The following LUC7L3 variants were observed in gnomAD, a reference collection of about 807,000 sequenced individuals.
The protein encoded by LUC7L3 is luc7-like protein 3.
Under a neutral mutation model 66.8 loss-of-function variants are expected in LUC7L3, and 6 were observed. The observed-to-expected ratio is 0.09, with a 90% confidence interval of 0.05 to 0.18. The LOEUF is 0.18. Ranked by LOEUF, LUC7L3 falls within the 10% of genes least tolerant of loss-of-function variation. LUC7L3 has a pLI of 1.00. For missense variants in LUC7L3, 341 were observed against 531.1 expected, an observed-to-expected ratio of 0.64 and a Z score of 3.52; for synonymous variants, 160 against 174.7, an observed-to-expected ratio of 0.92 and a Z score of 0.66.
At chr17:50,750,360 T>G in intron 9 of LUC7L3, 141 bp from the exon 10 acceptor site, 1 of 761,070 alleles carries the variant, frequency 1.3e-6, no homozygotes, top group South Asian at 1.9e-5. Flanking sequence ...TTTTATCCCT[T>G]TGGTAAATTC....
chr17:50,733,869 G>T (rs560350671), intron 1 of LUC7L3, among the ~76,000 whole-genome samples: 1 of 152,168 alleles, frequency 6.6e-6, no homozygotes, highest in South Asian at 2.1e-4. Context: ...TAATTGAAAG[G>T]TTAGGTCACA....
At chr17:50,732,320 C>T (rs554197543) in intron 1 of LUC7L3, among the ~76,000 whole-genome samples, 182 of 152,294 alleles carry the variant, frequency 1.2e-3, no homozygotes, top group African/African-American at 4.1e-3. Context: ...TACAGGCTAA[C>T]ACCTTTTTCT....
intron 1 of LUC7L3, among the ~76,000 whole-genome samples, chr17:50,727,596 C>T (rs908944412): frequency 1.3e-5 from 2 of 152,218 alleles, no homozygotes; most frequent in East Asian, 3.9e-4. Flanking sequence ...GATGGATACT[C>T]AGGAAAGGCC....
chr17:50,731,267 C>T (rs1187757975), intron 1 of LUC7L3, among the ~76,000 whole-genome samples: 1 of 152,204 alleles, frequency 6.6e-6, no homozygotes, highest in Non-Finnish European at 1.5e-5. Flanking sequence ...CTCCCGGGTT[C>T]AAGCGATTCT....
At chr17:50,723,459 T>C (rs1968930584) in intron 1 of LUC7L3, 1 of 152,510 alleles carries the variant, frequency 6.6e-6, no homozygotes, top group Non-Finnish European at 1.5e-5. Context: ...CTTGTATACT[T>C]TTTCTTTTTG....
chr17:50,740,997 C>T (rs1220553420), intron 3 of LUC7L3, 105 bp from the exon 4 acceptor site: 2 of 1,106,538 alleles, frequency 1.8e-6, no homozygotes, highest in African/African-American at 3.1e-5. Context: ...CTGGTTTACC[C>T]TGCAGCCTAA....
rs953784011 is a variant in LUC7L3, at chr17:50,719,659, T to C, written c.-74T>C. The C allele has an allele frequency of 1.1e-5, 14 of 1,280,640 alleles. No homozygotes were observed. In the African/African-American group the frequency reaches 1.8e-4, roughly 16 times the overall value. 79.3% of individuals were successfully genotyped at this position (1,280,640 alleles called of 1,614,324 possible). On this transcript the variant is annotated 5_prime_UTR_variant, in exon 1 of 10. Transcript: ENST00000505658. The stretch of plus-strand genomic sequence containing the variant: ...TCGGCCTGAGAGCGGGCCGAGGAGA[T>C]TGGCGACGGTGTCGCCCGTGTTTTC...
At chr17:50,743,018 A>G (rs934027193) in intron 5 of LUC7L3, among the ~76,000 whole-genome samples, 1 of 152,192 alleles carries the variant, frequency 6.6e-6, no homozygotes, top group Non-Finnish European at 1.5e-5. Context: ...TAGAAAATGC[A>G]TATTAACCTA....
intron 2 of LUC7L3, chr17:50,738,255 G>T: frequency 5.2e-6 from 2 of 382,224 alleles, no homozygotes; most frequent in South Asian, 3.9e-5. Context: ...ATTTTCCTAT[G>T]ATAAAGCCCA....
rs1969507422 is a variant in LUC7L3 at position 50,730,387 on chromosome 17, G to A, written c.100-6573G>A. ...AATACAAAAATTAGCCAGGCATGGT[G>A]GCAGTTGCCCATAATCCCAGCTTGG... On this transcript the variant is annotated intron_variant, in intron 1 of 9. Coordinates refer to ENST00000505658, the MANE Select transcript of LUC7L3 (RefSeq NM_016424.5). Among the ~76,000 whole-genome samples, 3 of 151,924 alleles carry A rather than the reference G, an allele frequency of 2.0e-5. 1 individual carries two copies. The South Asian group carries it at 6.2e-4, about 32-fold the overall frequency.
rs768626075 is a variant in LUC7L3 at position 50,745,794 on chromosome 17, A to G, written c.768A>G (p.Glu256=). 1.3e-5 allele frequency: 20 copies of G among 1,597,880 alleles called. No individual in the cohort carries two copies. The highest frequency in any genetic ancestry group is 2.2e-5 in the East Asian group (1 of 44,652). Residue 256 remains glutamate (E), a synonymous_variant, in exon 8 of 10, where the codon GAA becomes GAG. Coordinates refer to ENST00000505658, the MANE Select transcript of LUC7L3 (RefSeq NM_016424.5). ...RLKKEKQERE[E]REKERERERE... ...AAAAGGAGAAGCAAGAAAGAGAAGA[A>G]AGAGAAAAAGAACGGGAGAGAGAAA... is the stretch of plus-strand genomic sequence containing the variant.
At position 50,741,106 on chromosome 17, in the gene LUC7L3, G is replaced by A; in HGVS notation, c.211G>A (p.Glu71Lys). 6.2e-7 allele frequency: 1 copy of A among 1,614,044 alleles called. No individual in the cohort carries two copies. The highest frequency in any genetic ancestry group is 8.5e-7 in the Non-Finnish European group (1 of 1,179,902). The change falls in exon 4 of 10, where the codon GAG becomes AAG. Residue 71 changes from glutamate to lysine, a missense_variant. Physicochemically the swap from Glu to Lys is moderately conservative, Grantham distance 56. Transcript: ENST00000505658. ...TGTTTATTTTCATGTTACCAGGTAT[G>A]AGAAGAGCTCTCGTTTCATGAAAGT... ...IHDENLRKQY[E>K]KSSRFMKVGY...
chr17:50,731,595 A>C (rs1185861349), intron 1 of LUC7L3, among the ~76,000 whole-genome samples: 3 of 152,234 alleles, frequency 2.0e-5, no homozygotes, highest in Admixed American at 1.3e-4. Flanking sequence ...GAGTTAAAAG[A>C]AGCAGTCCAG....
intron 7 of LUC7L3, 60 bp from the exon 8 acceptor site, chr17:50,745,660 C>A: frequency 7.4e-7 from 1 of 1,351,340 alleles, no homozygotes; most frequent in Non-Finnish European, 1.0e-6. Flanking sequence ...CATTAGTTGA[C>A]CATTGTTTAA....
At chr17:50,750,391 C>T in intron 9 of LUC7L3, 110 bp from the exon 10 acceptor site, 1 of 1,013,322 alleles carries the variant, frequency 9.9e-7, no homozygotes, top group East Asian at 2.5e-5. Context: ...TGCTTGCAGT[C>T]TGTGGGAAAT....
chr17:50,744,569 A>T, intron 6 of LUC7L3, 83 bp from the exon 7 acceptor site: 1 of 1,287,704 alleles, frequency 7.8e-7, no homozygotes. Flanking sequence ...ACACATTAGA[A>T]ATCTTTTCTA....
chr17:50,735,167 T>A (rs1471700807), intron 1 of LUC7L3, among the ~76,000 whole-genome samples: 1 of 150,848 alleles, frequency 6.6e-6, no homozygotes, highest in Non-Finnish European at 1.5e-5. Context: ...GAGGGAGAGG[T>A]TGCGGTGAGC....
At position 50,755,682 on chromosome 17, in the gene LUC7L3, C is replaced by T. The variant is rs926906041; in HGVS notation, c.*5021C>T. 1 of 152,168 alleles carries T rather than the reference C, an allele frequency of 6.6e-6. No individual in the cohort carries two copies. The highest frequency in any genetic ancestry group is 1.9e-4 in the East Asian group (1 of 5,196). The allele number at this position is 152,168 out of a possible 1,614,324, so 9.4% of individuals were successfully genotyped here. On this transcript the variant is annotated 3_prime_UTR_variant, in exon 10 of 10. Transcript: ENST00000505658. ...AACAATTTGGTATAAGTGGGTGTGC[C>T]ATAACCTCTCTCGTAGCCATTCATT... is the stretch of plus-strand genomic sequence containing the variant.
intron 1 of LUC7L3, 146 bp from the exon 2 acceptor site, chr17:50,736,814 T>A: frequency 1.7e-6 from 1 of 589,334 alleles, no homozygotes; most frequent in Non-Finnish European, 3.0e-6. Context: ...ATCACTAATT[T>A]ACCTAATATG....
Sources: gnomAD v4.1 joint callset for allele counts (sites outside exome capture counted in the v4.1 genomes callset) on GRCh38, gnomAD v4.1.1 for gene constraint, MANE v1.5 for transcripts, NCBI Gene and HGNC (gene_info 2026-07-23, HGNC 2026-07-21) for gene names.